The following OSBPL6 variants were observed in gnomAD, a reference collection of about 807,000 sequenced individuals.
The protein encoded by OSBPL6 is oxysterol binding protein like 6.
Under a neutral mutation model 125.8 loss-of-function variants are expected in OSBPL6, and 49 were observed. The observed-to-expected ratio is 0.39, with a 90% CI of 0.31 to 0.49. The LOEUF is 0.49. Among genes scored for constraint, OSBPL6 ranks in the 20% least tolerant of loss-of-function variants. The probability of loss-of-function intolerance (pLI) is 0.88; values close to 1 mark genes in which losing one functional copy is unlikely to be tolerated. For missense variants in OSBPL6, 986 were observed against 1,135.4 expected (o/e 0.87, Z 1.89); for synonymous variants, 394 against 391.8 (o/e 1.01, Z -0.07).
intron 3 of OSBPL6, among the ~76,000 whole-genome samples, chr2:178,320,952 G>C (rs1688186460): frequency 6.6e-6 from 1 of 152,140 alleles, no homozygotes; most frequent in Non-Finnish European, 1.5e-5. Flanking sequence ...AAAGTCAAGA[G>C]ATCGAGACCA....
At chr2:178,330,596 G>A (rs768050949) in intron 5 of OSBPL6, among the ~76,000 whole-genome samples, 1 of 152,164 alleles carries the variant, frequency 6.6e-6, no homozygotes, top group Non-Finnish European at 1.5e-5. Context: ...ACTCATAGGG[G>A]TTCTCTGTGC....
At chr2:178,358,884 A>G (rs1692063782) in intron 12 of OSBPL6, among the ~76,000 whole-genome samples, 1 of 152,214 alleles carries the variant, frequency 6.6e-6, no homozygotes, top group South Asian at 2.1e-4. Context: ...GTATCAGATA[A>G]GGGCTTAATA....
At chr2:178,306,369 T>A in intron 3 of OSBPL6, 83 bp downstream of exon 3, 1 of 855,764 alleles carries the variant, frequency 1.2e-6, no homozygotes, top group Non-Finnish European at 1.9e-6. Flanking sequence ...TAATTAATTC[T>A]GAAATTTTGT....
At chr2:178,308,962 G>T (rs949367063) in intron 3 of OSBPL6, among the ~76,000 whole-genome samples, 2 of 152,032 alleles carry the variant, frequency 1.3e-5, no homozygotes, top group East Asian at 1.9e-4. Context: ...CACAATTAAG[G>T]CCACAGTTTC....
chr2:178,281,697 G>T (rs565431454), intron 1 of OSBPL6, among the ~76,000 whole-genome samples: 1 of 148,616 alleles, frequency 6.7e-6, no homozygotes, highest in South Asian at 2.1e-4. Flanking sequence ...ACTAACACAG[G>T]AACAGAAAAC....
At chr2:178,335,338 C>T (rs1045676299) in intron 8 of OSBPL6, among the ~76,000 whole-genome samples, 1 of 152,154 alleles carries the variant, frequency 6.6e-6, no homozygotes, top group Non-Finnish European at 1.5e-5. Context: ...AGCTCTTCAG[C>T]TCTGGTTTTC....
chr2:178,379,650 A>T (rs988332037), intron 15 of OSBPL6, among the ~76,000 whole-genome samples: 2 of 152,196 alleles, frequency 1.3e-5, no homozygotes, highest in Non-Finnish European at 2.9e-5. Context: ...GTGTATGATT[A>T]GATTTTTTTC....
chr2:178,250,046 C>T (rs551946239), intron 1 of OSBPL6, among the ~76,000 whole-genome samples: 7 of 152,216 alleles, frequency 4.6e-5, no homozygotes, highest in Admixed American at 2.0e-4. Flanking sequence ...TGCCAGCAAC[C>T]GTATAGGTTC....
Position 178,241,050 on chromosome 2 carries a change from C to T in OSBPL6, c.-350-43877C>T, listed in dbSNP as rs558525588. Among the ~76,000 whole-genome samples, 4 of 152,106 alleles carry T rather than the reference C, an allele frequency of 2.6e-5. No individual in the cohort carries two copies. In the South Asian group the frequency reaches 8.3e-4, roughly 32 times the overall value. ...CTTTAGGGATTTCTATGAAAATGGGCATGGCTTCTGATTACATATTTAGTT... is the reference window on the plus strand; with the variant it reads ...CTTTAGGGATTTCTATGAAAATGGGTATGGCTTCTGATTACATATTTAGTT... On this transcript the variant is annotated intron_variant, in intron 1 of 24. Transcript: ENST00000190611.
At chr2:178,322,121 G>A (rs1438017300) in intron 3 of OSBPL6, among the ~76,000 whole-genome samples, 1 of 152,066 alleles carries the variant, frequency 6.6e-6, no homozygotes, top group Non-Finnish European at 1.5e-5. Context: ...CTATATCTAT[G>A]GCTTGACTTG....
chr2:178,260,776 A>G (rs1207252725), intron 1 of OSBPL6, among the ~76,000 whole-genome samples: 1 of 152,216 alleles, frequency 6.6e-6, no homozygotes, highest in Non-Finnish European at 1.5e-5. Context: ...TGTCATGCCA[A>G]AAATCCTAGT....
At position 178,382,841 on chromosome 2, in the gene OSBPL6, A is replaced by G. The variant is rs1694607963; in HGVS notation, c.1622-183A>G. 5 of 1,392,384 alleles carry G rather than the reference A, an allele frequency of 3.6e-6. No individual in the cohort carries two copies. The East Asian group carries it at 1.0e-4, about 28-fold the overall frequency. The allele number at this position is 1,392,384 out of a possible 1,614,324, so 86.3% of individuals were successfully genotyped here. On this transcript the variant is annotated intron_variant, in intron 16 of 24. Transcript: ENST00000190611. Reference sequence around the variant, plus strand: ...TCTAATGCCTTATTTATAAAACTATACACTGTTGTTTTCTGCATTTATTAG... The same window carrying G: ...TCTAATGCCTTATTTATAAAACTATGCACTGTTGTTTTCTGCATTTATTAG...
In OSBPL6 at chr2:178,402,604, A is replaced by T. The variant is rs1323904837; in HGVS notation, c.*7045A>T. The T allele has an allele frequency of 6.6e-6, 1 of 152,124 alleles. No individual in the cohort carries two copies. Among genetic ancestry groups the T allele is most frequent in the Admixed American group, 6.5e-5 (1 of 15,282 alleles). 9.4% of individuals were successfully genotyped at this position (152,124 alleles called of 1,614,324 possible). A position where few individuals can be genotyped will look rare whatever the true frequency, so the allele number is the denominator to read the frequency against. On this transcript the variant is annotated 3_prime_UTR_variant, in exon 25 of 25. Coordinates refer to ENST00000190611, the MANE Select transcript of OSBPL6 (RefSeq NM_032523.4). Reference sequence around the variant, plus strand: ...TTTGAAAAAACTCCACTGTGAAATTACTCTGCTTATATTAGAAGGTATGAA... The same window carrying T: ...TTTGAAAAAACTCCACTGTGAAATTTCTCTGCTTATATTAGAAGGTATGAA...
chr2:178,261,393 G>GA (rs778259031), intron 1 of OSBPL6, among the ~76,000 whole-genome samples: 2,809 of 102,156 alleles, frequency 0.027, 60 homozygotes, highest in African/African-American at 0.068. Context: ...CATTATAATT[G>GA]AAAAAAAAAA....
At chr2:178,320,804 T>A (rs1170740300) in intron 3 of OSBPL6, among the ~76,000 whole-genome samples, 2 of 152,232 alleles carry the variant, frequency 1.3e-5, no homozygotes, top group African/African-American at 2.4e-5. Flanking sequence ...ATTTTCCTGT[T>A]TTAAAACTTA....
intron 2 of OSBPL6, among the ~76,000 whole-genome samples, chr2:178,292,304 G>T (rs1000536368): frequency 6.6e-6 from 1 of 152,088 alleles, no homozygotes; most frequent in Admixed American, 6.6e-5. Context: ...AACTTTGATG[G>T]TAATTTAAAA....
chr2:178,249,091 C>T (rs1167963124), intron 1 of OSBPL6, among the ~76,000 whole-genome samples: 1 of 152,062 alleles, frequency 6.6e-6, no homozygotes, highest in Non-Finnish European at 1.5e-5. Context: ...GTGTGCACTA[C>T]CACACCTGGC....
intron 1 of OSBPL6, among the ~76,000 whole-genome samples, chr2:178,284,048 T>C (rs950226708): frequency 3.9e-5 from 6 of 152,200 alleles, no homozygotes; most frequent in African/African-American, 1.4e-4. Context: ...ATACTGTTTC[T>C]TTGCTTTCTG....
intron 3 of OSBPL6, among the ~76,000 whole-genome samples, chr2:178,311,601 A>G (rs1440327747): frequency 6.6e-6 from 1 of 152,250 alleles, no homozygotes; most frequent in Non-Finnish European, 1.5e-5. Flanking sequence ...TAGAAGCAAT[A>G]AATGAATGAA....
Sources: gnomAD v4.1 joint callset for allele counts (sites outside exome capture counted in the v4.1 genomes callset) on GRCh38, gnomAD v4.1.1 for gene constraint, MANE v1.5 for transcripts, NCBI Gene and HGNC (gene_info 2026-07-23, HGNC 2026-07-21) for gene names.